Variants in SAMMSON observed in about 807,000 individuals in gnomAD.
SAMMSON encodes the protein survival associated mitochondrial melanoma specific oncogenic non-coding RNA.
At chr3:70,200,716 CT>C (rs1163936033) in intron 4 of SAMMSON, among the ~76,000 whole-genome samples, 1 of 152,196 alleles carries the variant, frequency 6.6e-6, no homozygotes, top group Non-Finnish European at 1.5e-5. Context: ...CCATATCTCT[CT>C]CTCTGGTTGA....
chr3:70,092,917 T>G (rs1370558905), intron 4 of SAMMSON, among the ~76,000 whole-genome samples: 4 of 141,762 alleles, frequency 2.8e-5, no homozygotes, highest in African/African-American at 5.2e-5. Flanking sequence ...TTTTTTTTTG[T>G]TTTTTTTTTC....
intron 9 of SAMMSON, among the ~76,000 whole-genome samples, chr3:70,364,280 G>A (rs1204962010): frequency 2.0e-5 from 3 of 151,834 alleles, no homozygotes; most frequent in African/African-American, 7.2e-5. Context: ...ATAAACCTGA[G>A]TTATTGATTG....
chr3:70,290,396 T>C (rs987649845), intron 6 of SAMMSON, among the ~76,000 whole-genome samples: 1 of 152,212 alleles, frequency 6.6e-6, no homozygotes, highest in Admixed American at 6.5e-5. Context: ...AGGGACCCAC[T>C]TGAGGAGGCA....
chr3:70,358,580 T>C (rs1474920207), intron 9 of SAMMSON, among the ~76,000 whole-genome samples: 3 of 152,134 alleles, frequency 2.0e-5, no homozygotes, highest in African/African-American at 4.8e-5. Flanking sequence ...TGGCCAGAAG[T>C]GGCATATAGG....
At chr3:70,003,642 A>T (rs1042065103) in intron 1 of SAMMSON, among the ~76,000 whole-genome samples, 2 of 151,946 alleles carry the variant, frequency 1.3e-5, no homozygotes, top group African/African-American at 4.8e-5. Flanking sequence ...TTTATATATT[A>T]CAAAAGCCAG....
chr3:70,260,268 G>A (rs921335014), intron 6 of SAMMSON, among the ~76,000 whole-genome samples: 2 of 152,056 alleles, frequency 1.3e-5, no homozygotes, highest in African/African-American at 2.4e-5. Flanking sequence ...GTCATCGTAC[G>A]GCATTTCCCC....
intron 4 of SAMMSON, among the ~76,000 whole-genome samples, chr3:70,121,707 T>G (rs1246209902): frequency 6.6e-6 from 1 of 152,152 alleles, no homozygotes; most frequent in Non-Finnish European, 1.5e-5. Flanking sequence ...AGTGCTGAAT[T>G]TCCTGAGCGT....
chr3:70,119,077 T>G (rs923079032), intron 4 of SAMMSON, among the ~76,000 whole-genome samples: 1 of 152,116 alleles, frequency 6.6e-6, no homozygotes, highest in Admixed American at 6.6e-5. Context: ...TTATTATTAT[T>G]TTTTTTGAGA....
At chr3:70,432,396 A>AATAT (rs140750936) in intron 2 of SAMMSON, among the ~76,000 whole-genome samples, 6 of 147,932 alleles carry the variant, frequency 4.1e-5, no homozygotes, top group South Asian at 2.1e-4. Context: ...TCATTTGTCA[A>AATAT]ATATATATAT....
intron 6 of SAMMSON, among the ~76,000 whole-genome samples, chr3:70,289,695 A>G (rs1461613409): frequency 6.6e-6 from 1 of 152,058 alleles, no homozygotes; most frequent in Non-Finnish European, 1.5e-5. Flanking sequence ...TTTCAGGTAC[A>G]CCAATCAGAC....
chr3:70,129,202 A>T (rs1368150393), intron 4 of SAMMSON, among the ~76,000 whole-genome samples: 1 of 152,196 alleles, frequency 6.6e-6, no homozygotes, highest in East Asian at 1.9e-4. Context: ...CAAGTGGTCA[A>T]ACTAGTGTGG....
chr3:70,075,472 CA>C (rs2067245176), intron 4 of SAMMSON: 2 of 152,100 alleles, frequency 1.3e-5, no homozygotes, highest in Admixed American at 1.3e-4. Context: ...CTTCATACTC[CA>C]AACCAAATAA....
chr3:70,123,527 C>A (rs2106668533), intron 4 of SAMMSON, among the ~76,000 whole-genome samples: 1 of 152,370 alleles, frequency 6.6e-6, no homozygotes, highest in Non-Finnish European at 1.5e-5. Flanking sequence ...GCCTCAGCTT[C>A]CCAAAGTGCT....
chr3:70,081,277 C>G (rs2067266884), intron 4 of SAMMSON, among the ~76,000 whole-genome samples: 1 of 152,140 alleles, frequency 6.6e-6, no homozygotes, highest in South Asian at 2.1e-4. Context: ...CCATGCCCGG[C>G]TAATTTTTTG....
intron 7 of SAMMSON, among the ~76,000 whole-genome samples, chr3:70,295,366 C>CA (rs1702279565): frequency 6.6e-6 from 1 of 152,102 alleles, no homozygotes; most frequent in South Asian, 2.1e-4. Context: ...TGTGTGATTC[C>CA]AAAAACTCAA....
At chr3:70,226,671 G>C (rs1405222748) in intron 4 of SAMMSON, among the ~76,000 whole-genome samples, 1 of 151,138 alleles carries the variant, frequency 6.6e-6, no homozygotes, top group East Asian at 1.9e-4. Flanking sequence ...CTGGGAAGCG[G>C]AGGTTGCAGT....
chr3:70,348,086 T>C (rs1702765918), intron 7 of SAMMSON, among the ~76,000 whole-genome samples: 1 of 152,050 alleles, frequency 6.6e-6, no homozygotes, highest in Admixed American at 6.6e-5. Context: ...TGGTAAGTGC[T>C]AAAGGTATAA....
At chr3:70,208,251 T>C (rs889108170) in intron 4 of SAMMSON, among the ~76,000 whole-genome samples, 2 of 152,068 alleles carry the variant, frequency 1.3e-5, no homozygotes, top group Non-Finnish European at 2.9e-5. Flanking sequence ...GTTAACGCAA[T>C]GCCTGGTTGG....
intron 9 of SAMMSON, among the ~76,000 whole-genome samples, chr3:70,388,143 A>G (rs1013933369): frequency 6.6e-6 from 1 of 152,126 alleles, no homozygotes; most frequent in African/African-American, 2.4e-5. Flanking sequence ...AAGATGCATA[A>G]TATAGGCATC....
Sources: gnomAD v4.1 joint callset for allele counts (sites outside exome capture counted in the v4.1 genomes callset) on GRCh38, gnomAD v4.1.1 for gene constraint, MANE v1.5 for transcripts, NCBI Gene and HGNC (gene_info 2026-07-23, HGNC 2026-07-21) for gene names.